Variants in APBA2 observed in about 807,000 individuals in gnomAD.
APBA2 encodes amyloid beta precursor protein binding family A member 2, also known as amyloid-beta A4 precursor protein-binding family A member 2.
A neutral mutation model predicts 75.0 loss-of-function variants in APBA2; 30 were observed. The ratio of observed to expected loss-of-function variants is 0.40; its 90% CI spans 0.30 to 0.54. APBA2 has a LOEUF of 0.54. Ranked by LOEUF, APBA2 falls within the 20% of genes least tolerant of loss-of-function variation. APBA2 has a pLI of 0.49. For synonymous variants in APBA2, 444 were observed against 409.6 expected, an observed-to-expected ratio of 1.08 and a Z score of -1.01; for missense variants, 801 against 1,016.1, an observed-to-expected ratio of 0.79 and a Z score of 2.88.
chr15:28,956,348 G>A (rs1459907369), intron 2 of APBA2, among the ~76,000 whole-genome samples: 1 of 151,932 alleles, frequency 6.6e-6, no homozygotes. Context: ...AGATGGGGTG[G>A]GGTCCCAAGC....
intron 2 of APBA2, among the ~76,000 whole-genome samples, chr15:28,945,083 A>G (rs1304476387): frequency 6.6e-6 from 1 of 152,200 alleles, no homozygotes; most frequent in East Asian, 1.9e-4. Context: ...CCACAGCCAC[A>G]CAGGAGGTGC....
At chr15:29,116,082 G>C (rs1445329373) in intron 14 of APBA2, among the ~76,000 whole-genome samples, 1 of 150,564 alleles carries the variant, frequency 6.6e-6, no homozygotes, top group Admixed American at 6.6e-5. Context: ...TGAAGCAGAC[G>C]TTTAGAGTCT....
rs528502032 is a variant in APBA2 at position 29,062,447 on chromosome 15, C to T, written c.951+7612C>T. 4.6e-5 allele frequency among the ~76,000 whole-genome samples: 7 copies of T among 152,292 alleles called. No homozygotes were observed. In the South Asian group the frequency reaches 1.5e-3, roughly 32 times the overall value. On this transcript the variant is annotated intron_variant, in intron 4 of 14. Transcript: ENST00000683413. ...GCATTGACGTTTCAATCCTGGCTGG[C>T]TCCGCATGAGCTTCTGAACTTGATG... is the stretch of plus-strand genomic sequence containing the variant.
At chr15:29,111,776 C>T (rs1316998145) in intron 13 of APBA2, among the ~76,000 whole-genome samples, 1 of 152,138 alleles carries the variant, frequency 6.6e-6, no homozygotes, top group Non-Finnish European at 1.5e-5. Flanking sequence ...GGCTCATCCA[C>T]CCCAGGGCCA....
chr15:28,930,195 C>A (rs2034490987), intron 2 of APBA2, among the ~76,000 whole-genome samples: 1 of 152,100 alleles, frequency 6.6e-6, no homozygotes, highest in African/African-American at 2.4e-5. Context: ...TGTGGTGGTC[C>A]CTGCTGCTGC....
intron 2 of APBA2, among the ~76,000 whole-genome samples, chr15:28,962,182 C>T (rs1176208215): frequency 6.6e-6 from 1 of 152,140 alleles, no homozygotes; most frequent in East Asian, 1.9e-4. Flanking sequence ...GTAGTGTCTT[C>T]ATATTGGCCT....
At chr15:28,947,554 G>A (rs950231986) in intron 2 of APBA2, among the ~76,000 whole-genome samples, 10 of 152,170 alleles carry the variant, frequency 6.6e-5, no homozygotes, top group African/African-American at 2.4e-4. Context: ...CCTGGCTTCT[G>A]CAGGCTTCTT....
chr15:28,950,290 G>T (rs1483195070), intron 2 of APBA2, among the ~76,000 whole-genome samples: 1 of 152,120 alleles, frequency 6.6e-6, no homozygotes, highest in Non-Finnish European at 1.5e-5. Flanking sequence ...TGTTGACCCC[G>T]ATCAGCTGGC....
chr15:28,977,256 A>G (rs1426606759), intron 2 of APBA2: 1 of 152,060 alleles, frequency 6.6e-6, no homozygotes, highest in African/African-American at 2.4e-5. Context: ...GTGCTCTCAC[A>G]TCGGGGAGAG....
rs149847107 is a variant in APBA2 at position 29,054,515 on chromosome 15, C to G, written c.631C>G (p.Arg211Gly). ...ANGNTGASPYRLRRGDGDLED... is the reference protein window; with the variant it reads ...ANGNTGASPYGLRRGDGDLED... ...CGGGAACACCGGCGCCTCCCCCTAC[C>G]GCCTGAGGCGTGGGGATGGGGACCT... Residue 211 changes from arginine to glycine, a missense_variant, in exon 4 of 15, where the codon CGC becomes GGC. Coordinates refer to ENST00000683413, the MANE Select transcript of APBA2 (RefSeq NM_001353788.2). This position sits in a 1 kb window ranked among gnomAD's most constrained non-coding sequence, Gnocchi z 6.1. 2 of 1,613,276 alleles carry G rather than the reference C, an allele frequency of 1.2e-6. No homozygotes were observed. The highest frequency in any genetic ancestry group is 2.7e-5 in the African/African-American group (2 of 74,932).
intron 1 of APBA2, chr15:28,895,593 A>T (rs2032429857): frequency 6.6e-6 from 1 of 151,906 alleles, no homozygotes; most frequent in Non-Finnish European, 1.5e-5. Flanking sequence ...CAGGCATCAG[A>T]GGTTCCTGTT....
At chr15:28,947,945 A>G (rs1040270968) in intron 2 of APBA2, among the ~76,000 whole-genome samples, 1 of 152,208 alleles carries the variant, frequency 6.6e-6, no homozygotes, top group African/African-American at 2.4e-5. Flanking sequence ...AAGGAGCACT[A>G]ACAAACAATC....
In APBA2 at chr15:29,054,200, G is replaced by A. The variant is rs2041758583; in HGVS notation, c.316G>A (p.Glu106Lys). 3.7e-6 allele frequency: 6 copies of A among 1,614,182 alleles called. No individual in the cohort carries two copies. The highest frequency in any genetic ancestry group is 5.1e-6 in the Non-Finnish European group (6 of 1,180,032). ...GITYYIRYCP[E>K]DDSYLEGMDC... ...CACCTACTACATCCGCTACTGCCCT[G>A]AGGACGACAGCTACCTAGAGGGCAT... is the stretch of plus-strand genomic sequence containing the variant. Residue 106 changes from glutamate to lysine, a missense_variant, in exon 4 of 15, where the codon GAG (glutamate) becomes AAG (lysine). By Grantham distance (56) the Glu-to-Lys change is moderately conservative (BLOSUM62 1). Transcript: ENST00000683413. The surrounding 1 kb of genome is among the most constrained non-coding windows in gnomAD (Gnocchi z 6.1).
chr15:28,981,547 A>G (rs1334946442), intron 2 of APBA2, among the ~76,000 whole-genome samples: 8 of 152,228 alleles, frequency 5.3e-5, no homozygotes, highest in African/African-American at 1.9e-4. Context: ...GAACTCTTAC[A>G]CACTATTGGT....
chr15:29,002,203 C>T (rs187618821), intron 3 of APBA2, among the ~76,000 whole-genome samples: 5 of 152,208 alleles, frequency 3.3e-5, no homozygotes, highest in Admixed American at 2.0e-4. Flanking sequence ...TAGGCACATA[C>T]GGACATGCTA....
At chr15:29,115,836 G>C (rs1013757627) in intron 14 of APBA2, among the ~76,000 whole-genome samples, 2 of 152,180 alleles carry the variant, frequency 1.3e-5, no homozygotes, top group Admixed American at 1.3e-4. Flanking sequence ...AAGCAGAGCT[G>C]CGCGATGTGC....
At chr15:29,011,613 C>G (rs933430368) in intron 3 of APBA2, among the ~76,000 whole-genome samples, 2 of 152,068 alleles carry the variant, frequency 1.3e-5, no homozygotes, top group African/African-American at 2.4e-5. Flanking sequence ...TCAGTACTTT[C>G]GATATATTCA....
At chr15:29,088,211 C>A (rs551563824) in intron 6 of APBA2, among the ~76,000 whole-genome samples, 1 of 151,716 alleles carries the variant, frequency 6.6e-6, no homozygotes, top group Admixed American at 6.6e-5. Flanking sequence ...CCTTTCTAAG[C>A]CCCTTCTTTT....
At chr15:28,950,380 G>A (rs988871488) in intron 2 of APBA2, among the ~76,000 whole-genome samples, 17 of 152,140 alleles carry the variant, frequency 1.1e-4, no homozygotes, top group African/African-American at 4.1e-4. Flanking sequence ...TGTAATCCCA[G>A]CACTTTGGGA....
Sources: gnomAD v4.1 joint callset for allele counts (sites outside exome capture counted in the v4.1 genomes callset) on GRCh38, gnomAD v4.1.1 for gene constraint, Gnocchi (gnomAD v3.1) non-coding constraint, MANE v1.5 for transcripts, NCBI Gene and HGNC (gene_info 2026-07-23, HGNC 2026-07-21) for gene names.